BRINP3: variants seen among roughly 807,000 people sequenced by gnomAD.
The protein encoded by BRINP3 is BMP/retinoic acid inducible neural specific 3.
In BRINP3, 19 loss-of-function variants were observed where a neutral mutation model predicts 71.0. That is an observed-to-expected ratio of 0.27 (90% CI 0.19 to 0.39). BRINP3 has a LOEUF of 0.39. Among genes scored for constraint, BRINP3 ranks in the 10% least tolerant of loss-of-function variants. The pLI, the probability that BRINP3 is intolerant of heterozygous loss-of-function variation, is 1.00. For synonymous variants in BRINP3, 380 were observed against 337.7 expected (o/e 1.13, Z -1.37); for missense variants, 959 against 940.8 (o/e 1.02, Z -0.25).
At chr1:190,334,131 T>C (rs1414017672) in intron 2 of BRINP3, among the ~76,000 whole-genome samples, 1 of 151,856 alleles carries the variant, frequency 6.6e-6, no homozygotes, top group East Asian at 1.9e-4. Flanking sequence ...AAGTTAAAAA[T>C]CATGAAAATT....
chr1:190,470,653 A>T (rs558568050), intron 1 of BRINP3, among the ~76,000 whole-genome samples: 3 of 151,346 alleles, frequency 2.0e-5, no homozygotes, highest in African/African-American at 7.2e-5. Context: ...ACAATGAAAT[A>T]GAAGAATGAG....
intron 2 of BRINP3, among the ~76,000 whole-genome samples, chr1:190,297,520 A>G (rs1294655423): frequency 6.6e-6 from 1 of 152,184 alleles, no homozygotes; most frequent in Non-Finnish European, 1.5e-5. Flanking sequence ...GGAATTTCAT[A>G]GATGCAATTT....
chr1:190,399,112 A>G (rs183684545), intron 2 of BRINP3, among the ~76,000 whole-genome samples: 42 of 152,160 alleles, frequency 2.8e-4, no homozygotes, highest in Middle Eastern at 6.8e-3. Context: ...CAGACAGAAC[A>G]CTTCATAAAT....
At chr1:190,143,452 C>T (rs1017140854) in intron 7 of BRINP3, among the ~76,000 whole-genome samples, 1 of 152,140 alleles carries the variant, frequency 6.6e-6, no homozygotes, top group African/African-American at 2.4e-5. Flanking sequence ...ACAGCCTTTT[C>T]CTAAGGGACA....
At chr1:190,111,291 A>G (rs2102282582) in intron 7 of BRINP3, among the ~76,000 whole-genome samples, 1 of 151,994 alleles carries the variant, frequency 6.6e-6, no homozygotes, top group Admixed American at 6.6e-5. Flanking sequence ...AGTTTACTCA[A>G]AATATTTCTT....
rs140142241 is a variant in BRINP3, at chr1:190,180,066, C to T, written c.962-19176G>A. Reference sequence around the variant, plus strand: ...TGTGGTGTCATAAGAAGGGTTGATGCCGTTTGTTTTTTCTTCTGCAAATAA... The same window carrying T: ...TGTGGTGTCATAAGAAGGGTTGATGTCGTTTGTTTTTTCTTCTGCAAATAA... On this transcript the variant is annotated intron_variant, in intron 6 of 7. Coordinates refer to ENST00000367462, the MANE Select transcript of BRINP3 (RefSeq NM_199051.3). Among the ~76,000 whole-genome samples, 898 of 152,216 alleles carry T rather than the reference C, an allele frequency of 5.9e-3. 9 individuals are homozygous for T. The highest frequency in any genetic ancestry group is 0.02 in the African/African-American group (820 of 41,552).
At chr1:190,439,281 T>C (rs1189866382) in intron 2 of BRINP3, among the ~76,000 whole-genome samples, 2 of 151,956 alleles carry the variant, frequency 1.3e-5, no homozygotes, top group Admixed American at 6.6e-5. Flanking sequence ...AAAGGGAAAA[T>C]GAAGAGTATT....
intron 6 of BRINP3, among the ~76,000 whole-genome samples, chr1:190,213,930 C>T (rs1180013883): frequency 6.6e-6 from 1 of 151,936 alleles, no homozygotes; most frequent in Non-Finnish European, 1.5e-5. Context: ...TTTAAAATGA[C>T]GTGTGAGTCC....
At chr1:190,336,291 G>A (rs562271047) in intron 2 of BRINP3, among the ~76,000 whole-genome samples, 27 of 152,092 alleles carry the variant, frequency 1.8e-4, no homozygotes, top group Middle Eastern at 3.4e-3. Context: ...AGATCATTTT[G>A]ATGTTGTGCA....
intron 2 of BRINP3, among the ~76,000 whole-genome samples, chr1:190,302,137 T>C (rs1183598741): frequency 2.0e-5 from 3 of 151,076 alleles, no homozygotes; most frequent in Admixed American, 6.6e-5. Flanking sequence ...GTTACAATTA[T>C]TGAAAGCAAA....
chr1:190,109,346 A>T (rs1379424080), intron 7 of BRINP3, among the ~76,000 whole-genome samples: 1 of 152,234 alleles, frequency 6.6e-6, no homozygotes, highest in African/African-American at 2.4e-5. Context: ...GCCAAGGATT[A>T]ACAAAAGTCA....
intron 7 of BRINP3, among the ~76,000 whole-genome samples, chr1:190,151,501 G>A (rs755451967): frequency 2.0e-5 from 3 of 152,066 alleles, no homozygotes; most frequent in Admixed American, 1.3e-4. Flanking sequence ...GTAAGTTCAT[G>A]TATCAATATC....
chr1:190,248,652 T>C (rs1659836229), intron 4 of BRINP3, among the ~76,000 whole-genome samples: 1 of 151,812 alleles, frequency 6.6e-6, no homozygotes, highest in Admixed American at 6.6e-5. Context: ...TTTTGCATTA[T>C]GTCACATTTG....
chr1:190,153,814 T>C (rs114078224), intron 7 of BRINP3, among the ~76,000 whole-genome samples: 2,075 of 152,228 alleles, frequency 0.014, 51 homozygotes, highest in African/African-American at 0.046. Context: ...TGAGCTATGA[T>C]CACAACAGCC....
intron 6 of BRINP3, among the ~76,000 whole-genome samples, chr1:190,185,682 TG>T (rs1009607237): frequency 5.8e-4 from 89 of 152,248 alleles, no homozygotes; most frequent in African/African-American, 1.9e-3. Context: ...ATGTATATAA[TG>T]CCATCTACTA....
intron 7 of BRINP3, among the ~76,000 whole-genome samples, chr1:190,107,849 A>G (rs1652318054): frequency 6.7e-6 from 1 of 149,136 alleles, no homozygotes. Context: ...AAAATCAAAT[A>G]ATTATGGCAC....
In BRINP3 at chr1:190,196,600, G is replaced by A. The variant is rs141700343; in HGVS notation, c.961+29482C>T. Among the ~76,000 whole-genome samples the A allele has an allele frequency of 1.2e-4, 19 of 152,036 alleles. No homozygotes were observed. The East Asian group carries it at 3.7e-3, about 29-fold the overall frequency. ...ATGGGTAAACATAATCAGGAACTCAGGTACTTTGGTCATTATTGCTGCCTG... is the reference window on the plus strand; with the variant it reads ...ATGGGTAAACATAATCAGGAACTCAAGTACTTTGGTCATTATTGCTGCCTG... On this transcript the variant is annotated intron_variant, in intron 6 of 7. Transcript: ENST00000367462.
At chr1:190,234,721 T>C (rs1469850769) in intron 4 of BRINP3, among the ~76,000 whole-genome samples, 1 of 152,078 alleles carries the variant, frequency 6.6e-6, no homozygotes, top group Non-Finnish European at 1.5e-5. Flanking sequence ...ATGCATGCCA[T>C]CTTTGTTCAA....
chr1:190,440,312 T>G (rs768065264), intron 2 of BRINP3, among the ~76,000 whole-genome samples: 52 of 151,932 alleles, frequency 3.4e-4, no homozygotes, highest in Non-Finnish European at 7.1e-4. Flanking sequence ...TTAGAAAAAT[T>G]TGATATCTTT....
Sources: allele counts gnomAD v4.1 joint callset (sites outside exome capture counted in the v4.1 genomes callset), GRCh38; gene constraint gnomAD v4.1.1; transcripts MANE v1.5; gene names NCBI Gene and HGNC (gene_info 2026-07-23, HGNC 2026-07-21).